The following DAB1 variants were observed in gnomAD, a reference collection of about 807,000 sequenced individuals.
DAB1 encodes DAB adaptor protein 1.
Under a neutral mutation model 64.6 loss-of-function variants are expected in DAB1, and 15 were observed. The observed-to-expected ratio is 0.23, with a 90% CI of 0.16 to 0.36. The LOEUF is 0.36. Among genes scored for constraint, DAB1 ranks in the 10% least tolerant of loss-of-function variants. The pLI, the probability that DAB1 is intolerant of heterozygous loss-of-function variation, is 1.00. For synonymous variants in DAB1, 235 were observed against 251.9 expected (o/e 0.93, Z 0.64); for missense variants, 596 against 706.7 (o/e 0.84, Z 1.78).
At chr1:57,448,718 C>T (rs946834425) in intron 7 of DAB1, among the ~76,000 whole-genome samples, 2 of 151,988 alleles carry the variant, frequency 1.3e-5, no homozygotes, top group Non-Finnish European at 2.9e-5. Context: ...ATATAGGACA[C>T]GATTTGATCT....
At position 58,036,998 on chromosome 1, in the gene DAB1, C is replaced by T. The variant is rs555875477; in HGVS notation, n.387+113513G>A. ...TGATTCTGAGCATGGCCCATTTCAG[C>T]TTCCCTTGCCTGCTCCTTCCCACTA... On this transcript the variant is annotated intron_variant and non_coding_transcript_variant, in intron 5 of 20. Coordinates refer to the DAB1 transcript ENST00000485760. Among the ~76,000 whole-genome samples, 86 of 152,216 alleles carry T rather than the reference C, an allele frequency of 5.6e-4. 1 individual carries two copies. In the South Asian group the frequency reaches 0.015, roughly 27 times the overall value.
intron 7 of DAB1, among the ~76,000 whole-genome samples, chr1:57,457,931 A>G (rs936540377): frequency 6.6e-6 from 1 of 152,306 alleles, no homozygotes. Context: ...AGAGAAAAAC[A>G]AAGAGCAAAA....
chr1:58,276,751 ATT>A (rs1491223217), intron 4 of DAB1, among the ~76,000 whole-genome samples: 6 of 152,194 alleles, frequency 3.9e-5, no homozygotes, highest in African/African-American at 1.4e-4. Context: ...TAGTGCATAA[ATT>A]ATCTAAGTCT....
chr1:58,447,859 A>C (rs901495540), intron 3 of DAB1, among the ~76,000 whole-genome samples: 10 of 104,218 alleles, frequency 9.6e-5, no homozygotes, highest in African/African-American at 8.3e-5. Flanking sequence ...GACTTAAACA[A>C]AAAAAAAAAA....
At chr1:57,263,936 T>C (rs760189622) in intron 2 of DAB1, among the ~76,000 whole-genome samples, 5 of 152,138 alleles carry the variant, frequency 3.3e-5, no homozygotes, top group Non-Finnish European at 7.3e-5. Context: ...TTCTACCCTG[T>C]ACCACAAGGG....
chr1:58,295,421 G>C (rs1399224832), intron 4 of DAB1, among the ~76,000 whole-genome samples: 3 of 152,054 alleles, frequency 2.0e-5, no homozygotes, highest in Admixed American at 1.3e-4. Flanking sequence ...GAGGTGGCAG[G>C]GGAAAGCATT....
At chr1:58,047,744 G>A (rs958863941) in intron 5 of DAB1, 35 of 196,190 alleles carry the variant, frequency 1.8e-4, no homozygotes, top group African/African-American at 8.1e-4. Flanking sequence ...CTCAGGCCAG[G>A]AACTTAACTA....
At chr1:57,357,586 T>C (rs1679218670) in intron 1 of DAB1, among the ~76,000 whole-genome samples, 1 of 151,062 alleles carries the variant, frequency 6.6e-6, no homozygotes, top group Admixed American at 6.6e-5. Context: ...TTCAGATAGT[T>C]CACTATTAGC....
chr1:58,132,844 A>G (rs1459065602), intron 5 of DAB1, among the ~76,000 whole-genome samples: 1 of 152,186 alleles, frequency 6.6e-6, no homozygotes, highest in African/African-American at 2.4e-5. Flanking sequence ...CACCCTGGAT[A>G]ACAGCACAAT....
intron 4 of DAB1, among the ~76,000 whole-genome samples, chr1:58,188,601 G>A (rs1241512121): frequency 6.6e-6 from 1 of 152,200 alleles, no homozygotes; most frequent in East Asian, 1.9e-4. Context: ...CATTACAGGT[G>A]ATCACTGGAC....
At chr1:57,959,130 G>A (rs1037026735) in intron 5 of DAB1, among the ~76,000 whole-genome samples, 14 of 152,196 alleles carry the variant, frequency 9.2e-5, no homozygotes, top group Admixed American at 6.5e-4. Context: ...CCACTCCAGA[G>A]CAGTCTTTGA....
chr1:57,695,374 A>G (rs1315377838), intron 6 of DAB1, among the ~76,000 whole-genome samples: 1 of 48,572 alleles, frequency 2.1e-5, no homozygotes, highest in East Asian at 5.2e-4. Context: ...GAAAGAAAGA[A>G]AGAAAGAAAG....
intron 6 of DAB1, among the ~76,000 whole-genome samples, chr1:57,737,603 G>T (rs1053294040): frequency 2.0e-5 from 3 of 152,156 alleles, no homozygotes; most frequent in Non-Finnish European, 4.4e-5. Context: ...TTCTTCATGG[G>T]ATACAATAGT....
At position 57,023,465 on chromosome 1, in the gene DAB1, G is replaced by A. The variant is rs137969278; in HGVS notation, c.895+66C>T. 341 of 941,320 alleles carry A rather than the reference G, an allele frequency of 3.6e-4. 1 individual carries two copies. The highest frequency in any genetic ancestry group is 2.4e-3 in the African/African-American group (152 of 62,044). The allele number at this position is 941,320 out of a possible 1,614,324, so 58.3% of individuals were successfully genotyped here. On this transcript the variant is annotated intron_variant, in intron 11 of 14. Coordinates refer to ENST00000371236, the MANE Select transcript of DAB1 (RefSeq NM_001365792.1). ...TTATCATCATTCGGTGGCTGGCTCT[G>A]TAAACTCTTTCTCTCTCTTAATGAG... is the stretch of plus-strand genomic sequence containing the variant.
intron 4 of DAB1, among the ~76,000 whole-genome samples, chr1:57,134,362 G>T (rs1365257584): frequency 6.6e-6 from 1 of 151,886 alleles, no homozygotes; most frequent in Non-Finnish European, 1.5e-5. Context: ...AGGTGGGGTG[G>T]ATCACCTGAG....
At chr1:57,229,294 A>G (rs1317836549) in intron 2 of DAB1, among the ~76,000 whole-genome samples, 3 of 151,550 alleles carry the variant, frequency 2.0e-5, no homozygotes, top group African/African-American at 7.3e-5. Flanking sequence ...CCCAGGGCTC[A>G]AGCTATCCTC....
At chr1:57,780,840 G>A (rs1336847488) in intron 6 of DAB1, among the ~76,000 whole-genome samples, 1 of 149,292 alleles carries the variant, frequency 6.7e-6, no homozygotes, top group Non-Finnish European at 1.5e-5. Context: ...TACAACCTCT[G>A]CCTCCTGGGT....
At chr1:57,790,594 A>C (rs1650548579) in intron 6 of DAB1, among the ~76,000 whole-genome samples, 1 of 152,150 alleles carries the variant, frequency 6.6e-6, no homozygotes, top group Admixed American at 6.5e-5. Flanking sequence ...ACTTTCTCCC[A>C]CCATCCCTAA....
chr1:58,282,362 G>T (rs1207232053), intron 4 of DAB1, among the ~76,000 whole-genome samples: 1 of 152,104 alleles, frequency 6.6e-6, no homozygotes. Context: ...CTAGCCACCT[G>T]TCCCACTCAC....
Sources: allele counts gnomAD v4.1 joint callset (sites outside exome capture counted in the v4.1 genomes callset), GRCh38; gene constraint gnomAD v4.1.1; transcripts MANE v1.5; gene names NCBI Gene and HGNC (gene_info 2026-07-23, HGNC 2026-07-21).